The following GALNT17 variants were observed in gnomAD, a reference collection of about 807,000 sequenced individuals.
GALNT17 encodes UDP-GalNAc:polypeptide N-acetylgalactosaminyltransferase-like 3.
In GALNT17, 29 loss-of-function variants were observed where a neutral mutation model predicts 63.7. The ratio of observed to expected loss-of-function variants is 0.46; its 90% confidence interval spans 0.34 to 0.62. The LOEUF is 0.62. GALNT17 is among the 20% of genes least tolerant of loss of function. GALNT17 has a pLI of 0.01. For missense variants in GALNT17, 603 were observed against 799.6 expected, an observed-to-expected ratio of 0.75 and a Z score of 2.97; for synonymous variants, 305 against 318.3, an observed-to-expected ratio of 0.96 and a Z score of 0.45.
At chr7:71,252,761 TG>T (rs1790223054) in intron 1 of GALNT17, among the ~76,000 whole-genome samples, 1 of 152,164 alleles carries the variant, frequency 6.6e-6, no homozygotes, top group African/African-American at 2.4e-5. Context: ...GGAACAGTCA[TG>T]CAAACCGGCT....
At chr7:71,216,059 A>AATG (rs1303114163) in intron 1 of GALNT17, among the ~76,000 whole-genome samples, 2 of 142,392 alleles carry the variant, frequency 1.4e-5, no homozygotes, top group Non-Finnish European at 3.2e-5. Flanking sequence ...TAATAATAAT[A>AATG]ATAATAAAAA....
intron 6 of GALNT17, among the ~76,000 whole-genome samples, chr7:71,633,542 AGTAT>A (rs1790487179): frequency 6.6e-6 from 1 of 152,166 alleles, no homozygotes. Flanking sequence ...TGCGGCTGTC[AGTAT>A]TTACCGGCTC....
chr7:71,406,655 T>C (rs1460925095), intron 3 of GALNT17, among the ~76,000 whole-genome samples: 1 of 152,078 alleles, frequency 6.6e-6, no homozygotes, highest in Non-Finnish European at 1.5e-5. Flanking sequence ...AAAATAGTCT[T>C]TGTAGGGCTG....
At chr7:71,659,299 A>G (rs534245773) in intron 6 of GALNT17, among the ~76,000 whole-genome samples, 12 of 152,332 alleles carry the variant, frequency 7.9e-5, no homozygotes. Context: ...TTAGTGGCCT[A>G]AATAACAATT....
chr7:71,625,127 C>T (rs1790352954), intron 6 of GALNT17, among the ~76,000 whole-genome samples: 1 of 144,260 alleles, frequency 6.9e-6, no homozygotes, highest in South Asian at 2.6e-4. Context: ...TCTTTGGTCT[C>T]CAGCCTTTGT....
At chr7:71,481,067 A>G (rs1439235853) in intron 5 of GALNT17, among the ~76,000 whole-genome samples, 2 of 152,108 alleles carry the variant, frequency 1.3e-5, no homozygotes, top group African/African-American at 2.4e-5. Flanking sequence ...TTTGCCCCAA[A>G]CTGGTGCATT....
At chr7:71,359,705 T>G (rs1792362829) in intron 2 of GALNT17, among the ~76,000 whole-genome samples, 1 of 151,996 alleles carries the variant, frequency 6.6e-6, no homozygotes. Context: ...TGCCTCAGCC[T>G]CTTAAGTTGC....
At chr7:71,494,173 G>A (rs1788056699) in intron 5 of GALNT17, among the ~76,000 whole-genome samples, 1 of 152,096 alleles carries the variant, frequency 6.6e-6, no homozygotes, top group Non-Finnish European at 1.5e-5. Flanking sequence ...AGGAGAGACA[G>A]TATGTGTGTG....
chr7:71,614,907 G>A (rs1381414117), intron 6 of GALNT17, among the ~76,000 whole-genome samples: 1 of 146,486 alleles, frequency 6.8e-6, no homozygotes, highest in Non-Finnish European at 1.5e-5. Context: ...GAGGGAGGGA[G>A]GAAGGGAGGG....
chr7:71,642,833 T>TC (rs1790622595), intron 6 of GALNT17, among the ~76,000 whole-genome samples: 1 of 141,634 alleles, frequency 7.1e-6, no homozygotes, highest in Non-Finnish European at 1.6e-5. Flanking sequence ...AGACTCTGTC[T>TC]CAAAAAAAAA....
chr7:71,459,431 A>G (rs189752993), intron 5 of GALNT17, among the ~76,000 whole-genome samples: 6 of 152,340 alleles, frequency 3.9e-5, no homozygotes, highest in Admixed American at 3.9e-4. Context: ...GTTACAGTTT[A>G]CTATGTATGG....
At chr7:71,456,320 G>A (rs556070419) in intron 5 of GALNT17, among the ~76,000 whole-genome samples, 1 of 152,314 alleles carries the variant, frequency 6.6e-6, no homozygotes, top group South Asian at 2.1e-4. Flanking sequence ...GCGAGAGTCA[G>A]TGAATTGTTA....
chr7:71,138,062 A>T (rs1031798975), intron 1 of GALNT17, among the ~76,000 whole-genome samples: 2 of 152,248 alleles, frequency 1.3e-5, no homozygotes, highest in Non-Finnish European at 2.9e-5. Context: ...AGAAAATTGT[A>T]TGGGCTGGGC....
intron 3 of GALNT17, among the ~76,000 whole-genome samples, chr7:71,414,880 A>G (rs1340089848): frequency 1.3e-5 from 2 of 152,158 alleles, no homozygotes; most frequent in African/African-American, 4.8e-5. Flanking sequence ...CCCAGCACCC[A>G]TGCAGGACAT....
intron 1 of GALNT17, among the ~76,000 whole-genome samples, chr7:71,206,239 C>G (rs767377644): frequency 2.6e-5 from 4 of 151,708 alleles, no homozygotes; most frequent in Admixed American, 6.6e-5. Context: ...AAATTCAGCT[C>G]TGTGTGTGCA....
intron 1 of GALNT17, among the ~76,000 whole-genome samples, chr7:71,236,610 G>A (rs10260768): frequency 0.12 from 18,671 of 152,090 alleles, 1,501 homozygotes; most frequent in African/African-American, 0.22. Context: ...GGGAGGGACG[G>A]GCTGGTGTTC....
intron 5 of GALNT17, among the ~76,000 whole-genome samples, chr7:71,514,610 T>G (rs1020120740): frequency 6.6e-6 from 1 of 152,226 alleles, no homozygotes; most frequent in Non-Finnish European, 1.5e-5. Flanking sequence ...CCTCCATGCC[T>G]GTCTAGCCTG....
intron 1 of GALNT17, among the ~76,000 whole-genome samples, chr7:71,258,711 A>G (rs1388611922): frequency 1.3e-5 from 2 of 152,150 alleles, no homozygotes; most frequent in Non-Finnish European, 2.9e-5. Context: ...ATGTATTCAT[A>G]GGAGTTTGCA....
chr7:71,407,819 C>G (rs150873943), intron 3 of GALNT17, among the ~76,000 whole-genome samples: 21 of 152,076 alleles, frequency 1.4e-4, no homozygotes, highest in Non-Finnish European at 2.2e-4. Flanking sequence ...ACATAAAAGA[C>G]CACATATTTT....
Sources: gnomAD v4.1 joint callset for allele counts (sites outside exome capture counted in the v4.1 genomes callset) on GRCh38, gnomAD v4.1.1 for gene constraint, MANE v1.5 for transcripts, NCBI Gene and HGNC (gene_info 2026-07-23, HGNC 2026-07-21) for gene names.